The following DPP6 variants were observed in gnomAD, a reference collection of about 807,000 sequenced individuals.
DPP6 encodes the protein A-type potassium channel modulatory protein DPP6.
In DPP6, 69 loss-of-function variants were observed where a neutral mutation model predicts 122.6. The observed-to-expected ratio is 0.56, with a 90% CI of 0.46 to 0.69. The LOEUF is 0.69. Ranked by LOEUF, DPP6 falls within the 30% of genes least tolerant of loss-of-function variation. The pLI is 0.00. For synonymous variants in DPP6, 418 were observed against 433.1 expected, an observed-to-expected ratio of 0.97 and a Z score of 0.43; for missense variants, 928 against 1,116.9, an observed-to-expected ratio of 0.83 and a Z score of 2.41.
rs533412300 is a variant in DPP6, at chr7:153,923,515, A to G, written c.51+35781A>G. On this transcript the variant is annotated intron_variant, in intron 1 of 25. Coordinates refer to the DPP6 transcript ENST00000404039. ...GGTGGCTCATGCCTGTAGTCCCAGC[A>G]CTTTGGGAGGCCAAGGCGGGCAGAT... is the stretch of plus-strand genomic sequence containing the variant. Among the ~76,000 whole-genome samples the G allele has an allele frequency of 4.6e-5, 7 of 152,164 alleles. No homozygotes were observed. In the South Asian group the frequency reaches 6.2e-4, roughly 14 times the overall value.
intron 10 of DPP6, among the ~76,000 whole-genome samples, chr7:154,783,832 A>T (rs529787638): frequency 6.6e-6 from 1 of 152,280 alleles, no homozygotes; most frequent in South Asian, 2.1e-4. Context: ...ACTGTGAGGA[A>T]GAATGGTAAG....
intron 1 of DPP6, among the ~76,000 whole-genome samples, chr7:154,417,639 A>G (rs1053472482): frequency 2.0e-5 from 3 of 151,220 alleles, no homozygotes; most frequent in Non-Finnish European, 2.9e-5. Flanking sequence ...ACATCTTCAC[A>G]CTCTCTCAAG....
chr7:154,530,457 G>GT (rs1257465401), intron 3 of DPP6, among the ~76,000 whole-genome samples: 1 of 151,962 alleles, frequency 6.6e-6, no homozygotes, highest in Non-Finnish European at 1.5e-5. Context: ...TCTCATGCCA[G>GT]TTATCCCAGA....
intron 1 of DPP6, among the ~76,000 whole-genome samples, chr7:154,157,981 A>ATG (rs1796776703): frequency 1.3e-5 from 2 of 148,242 alleles, no homozygotes; most frequent in African/African-American, 4.9e-5. Context: ...GTATATAAAT[A>ATG]TATATACATA....
intron 3 of DPP6, among the ~76,000 whole-genome samples, chr7:154,538,691 C>A (rs1325823193): frequency 6.6e-6 from 1 of 151,842 alleles, no homozygotes; most frequent in East Asian, 1.9e-4. Flanking sequence ...ATATAACTAA[C>A]AAACTTAAGT....
chr7:154,557,611 C>T (rs1333562725), intron 4 of DPP6, among the ~76,000 whole-genome samples: 2 of 152,106 alleles, frequency 1.3e-5, no homozygotes, highest in Admixed American at 6.6e-5. Flanking sequence ...TGGAATTACC[C>T]TCCTAACATA....
At chr7:153,840,101 C>A in the DPP6 span, among the ~76,000 whole-genome samples, 1 of 152,180 alleles carries the variant, frequency 6.6e-6, no homozygotes, top group African/African-American at 2.4e-5. Context: ...GTACAAGGGG[C>A]AACATTTACA....
At chr7:153,874,217 G>T in the DPP6 span, among the ~76,000 whole-genome samples, 1 of 151,346 alleles carries the variant, frequency 6.6e-6, no homozygotes, top group African/African-American at 2.4e-5. Context: ...ATTGAACAAA[G>T]AGCAACAGCA....
In DPP6 at chr7:154,875,930, T is replaced by C; in HGVS notation, c.1908T>C (p.Ser636=). The C allele has an allele frequency of 6.2e-7, 1 of 1,612,320 alleles. No homozygotes were observed. The highest frequency in any genetic ancestry group is 8.5e-7 in the Non-Finnish European group (1 of 1,179,292). Residue 636 remains serine, a synonymous_variant, in exon 20 of 26, where the codon AGT becomes AGC. Coordinates refer to ENST00000377770, the MANE Select transcript of DPP6 (RefSeq NM_130797.4). The surrounding 1 kb of genome is among the most constrained non-coding windows in gnomAD (Gnocchi z 4.5). ...GGGATGGCACCCCAGGCAGCCAGAG[T>C]GTGGCTGAGAAGTTCGAGGTGAGCT... The part of the protein sequence containing the change: ...LVVDGTPGSQ[S]VAEKFEVSWE...
intron 1 of DPP6, among the ~76,000 whole-genome samples, chr7:154,118,990 T>C (rs1585414593): frequency 6.6e-6 from 1 of 151,758 alleles, no homozygotes; most frequent in African/African-American, 2.4e-5. Context: ...CACCTGGCAT[T>C]TTACAGTTTT....
At chr7:153,880,176 C>G in the DPP6 span, among the ~76,000 whole-genome samples, 18 of 152,298 alleles carry the variant, frequency 1.2e-4, no homozygotes, top group African/African-American at 4.3e-4. Context: ...CATAAGCAAA[C>G]TAAAATCACT....
intron 7 of DPP6, among the ~76,000 whole-genome samples, chr7:154,715,664 T>C (rs1328210706): frequency 6.6e-6 from 1 of 152,210 alleles, no homozygotes; most frequent in Non-Finnish European, 1.5e-5. Context: ...ACCCACCTGA[T>C]GAAAATTGAT....
At chr7:154,516,689 T>TAAA (rs1826541729) in intron 3 of DPP6, among the ~76,000 whole-genome samples, 1 of 152,194 alleles carries the variant, frequency 6.6e-6, no homozygotes, top group African/African-American at 2.4e-5. Context: ...ATTTCAAAAA[T>TAAA]AATAAAATGA....
chr7:154,859,337 C>T (rs114847057), intron 17 of DPP6, among the ~76,000 whole-genome samples: 1,752 of 152,342 alleles, frequency 0.012, 37 homozygotes, highest in African/African-American at 0.038. Context: ...CAGGAGGCCT[C>T]GGGGAGCCGG....
chr7:154,558,320 T>G (rs973311116), intron 4 of DPP6, among the ~76,000 whole-genome samples: 2 of 152,124 alleles, frequency 1.3e-5, no homozygotes, highest in Non-Finnish European at 2.9e-5. Context: ...AAAATAAAAC[T>G]CCAAGGAAAT....
chr7:154,620,286 G>A (rs1834555604), intron 5 of DPP6, among the ~76,000 whole-genome samples: 1 of 152,222 alleles, frequency 6.6e-6, no homozygotes, highest in Non-Finnish European at 1.5e-5. Context: ...AGCATATGGT[G>A]ACTATATAGT....
intron 1 of DPP6, among the ~76,000 whole-genome samples, chr7:154,040,363 A>T (rs1356976709): frequency 1.3e-5 from 2 of 149,970 alleles, no homozygotes; most frequent in African/African-American, 5.0e-5. Flanking sequence ...ATAAGGAAAA[A>T]CACACGAGGT....
At chr7:154,682,431 G>A (rs1839337947) in intron 7 of DPP6, among the ~76,000 whole-genome samples, 1 of 152,248 alleles carries the variant, frequency 6.6e-6, no homozygotes, top group Non-Finnish European at 1.5e-5. Context: ...AGTGTCATAA[G>A]GAACAGTGAG....
chr7:154,594,992 T>A (rs1833006651), intron 5 of DPP6, among the ~76,000 whole-genome samples: 1 of 148,766 alleles, frequency 6.7e-6, no homozygotes, highest in Non-Finnish European at 1.5e-5. Context: ...GTGGGTTTTT[T>A]AAACCCCAAT....
Sources: allele counts gnomAD v4.1 joint callset (sites outside exome capture counted in the v4.1 genomes callset), GRCh38; gene constraint gnomAD v4.1.1; non-coding constraint Gnocchi (gnomAD v3.1); transcripts MANE v1.5; gene names NCBI Gene and HGNC (gene_info 2026-07-23, HGNC 2026-07-21).